Variants in SPPL3 observed in about 807,000 individuals in gnomAD.
SPPL3 encodes signal peptide peptidase-like 3.
SPPL3 carries 5 observed loss-of-function variants against 42.4 expected under a neutral mutation model. The ratio of observed to expected loss-of-function variants is 0.12; its 90% CI spans 0.06 to 0.25. The LOEUF is 0.25. Among genes scored for constraint, SPPL3 ranks in the 10% least tolerant of loss-of-function variants. SPPL3 has a pLI of 1.00. For synonymous variants in SPPL3, 195 were observed against 181.8 expected, an observed-to-expected ratio of 1.07 and a Z score of -0.58; for missense variants, 235 against 489.0, an observed-to-expected ratio of 0.48 and a Z score of 4.90.
intron 1 of SPPL3, among the ~76,000 whole-genome samples, chr12:120,815,918 C>T (rs1331400406): frequency 6.6e-6 from 1 of 151,952 alleles, no homozygotes; most frequent in Non-Finnish European, 1.5e-5. Context: ...TTATTAGAGA[C>T]AGGGTTTTGT....
chr12:120,815,894 A>G (rs547791578), intron 1 of SPPL3, among the ~76,000 whole-genome samples: 4 of 151,956 alleles, frequency 2.6e-5, no homozygotes, highest in East Asian at 1.9e-4. Flanking sequence ...ATGCCCAGCT[A>G]ATTTTTGGTA....
At chr12:120,833,494 G>C (rs1871498429) in intron 1 of SPPL3, among the ~76,000 whole-genome samples, 1 of 152,028 alleles carries the variant, frequency 6.6e-6, no homozygotes, top group South Asian at 2.1e-4. Flanking sequence ...AGACATGTAG[G>C]AATGAAGCTG....
At chr12:120,871,193 T>C (rs1275290277) in intron 1 of SPPL3, among the ~76,000 whole-genome samples, 12 of 143,868 alleles carry the variant, frequency 8.3e-5, no homozygotes. Context: ...TGCACAACAA[T>C]GTGAATACAC....
At chr12:120,901,085 G>T (rs1467592379) in intron 1 of SPPL3, among the ~76,000 whole-genome samples, 1 of 152,146 alleles carries the variant, frequency 6.6e-6, no homozygotes, top group East Asian at 1.9e-4. Context: ...TGAGTAAAAT[G>T]ATGGGAGAAT....
At chr12:120,817,687 A>T (rs559586870) in intron 1 of SPPL3, among the ~76,000 whole-genome samples, 1 of 152,036 alleles carries the variant, frequency 6.6e-6, no homozygotes, top group Non-Finnish European at 1.5e-5. Context: ...GCTTTATCCC[A>T]TATTTGTTTA....
chr12:120,762,740 C>T lies in SPPL3; in HGVS notation c.*2259G>A, dbSNP rs1188725627. 1 of 152,040 alleles carries T rather than the reference C, an allele frequency of 6.6e-6. No individual in the cohort carries two copies. Among genetic ancestry groups the T allele is most frequent in the African/African-American group, 2.4e-5 (1 of 41,338 alleles). 9.4% of individuals were successfully genotyped at this position (152,040 alleles called of 1,614,324 possible). A position where few individuals can be genotyped will look rare whatever the true frequency, so the allele number is the denominator to read the frequency against. On this transcript the variant is annotated 3_prime_UTR_variant, in exon 11 of 11. Transcript: ENST00000353487. ...TCCCAAATAGCTGGGATTACAGGCG[C>T]CTGCCACCATGCCCAGCTAATTTTT...
At chr12:120,858,838 A>T (rs1348296633) in intron 1 of SPPL3, among the ~76,000 whole-genome samples, 2 of 152,238 alleles carry the variant, frequency 1.3e-5, no homozygotes, top group African/African-American at 4.8e-5. Flanking sequence ...ATGGAAGAAC[A>T]TAATAGAGAA....
intron 1 of SPPL3, among the ~76,000 whole-genome samples, chr12:120,832,303 CTTATA>C (rs1472101883): frequency 6.6e-6 from 1 of 152,012 alleles, no homozygotes; most frequent in East Asian, 1.9e-4. Context: ...TTGGTTTTGC[CTTATA>C]TTATTATTTT....
intron 1 of SPPL3, among the ~76,000 whole-genome samples, chr12:120,852,703 C>T (rs1450742291): frequency 0.016 from 243 of 15,274 alleles, 23 homozygotes; most frequent in South Asian, 0.079. Context: ...ACATATTTTA[C>T]ATATATGAAA....
chr12:120,867,267 A>C (rs1872782655), intron 1 of SPPL3, among the ~76,000 whole-genome samples: 1 of 152,220 alleles, frequency 6.6e-6, no homozygotes, highest in Non-Finnish European at 1.5e-5. Context: ...GGTTGAAAAG[A>C]CACCTCCATG....
At chr12:120,825,514 T>C (rs1013411293) in intron 1 of SPPL3, among the ~76,000 whole-genome samples, 6 of 152,188 alleles carry the variant, frequency 3.9e-5, no homozygotes, top group South Asian at 4.1e-4. Flanking sequence ...AACTCTCTAG[T>C]AACAGGGCAC....
chr12:120,884,342 C>A (rs1873384025), intron 1 of SPPL3, among the ~76,000 whole-genome samples: 1 of 152,054 alleles, frequency 6.6e-6, no homozygotes, highest in Non-Finnish European at 1.5e-5. Flanking sequence ...CTTCTGTAGA[C>A]ATTAAATATC....
chr12:120,828,890 G>A (rs1871308581), intron 1 of SPPL3, among the ~76,000 whole-genome samples: 1 of 151,860 alleles, frequency 6.6e-6, no homozygotes, highest in African/African-American at 2.4e-5. Flanking sequence ...CGAGTTGCTG[G>A]GACTACAGGT....
At chr12:120,899,518 A>G (rs1566073718) in intron 1 of SPPL3, among the ~76,000 whole-genome samples, 1 of 152,130 alleles carries the variant, frequency 6.6e-6, no homozygotes, top group African/African-American at 2.4e-5. Context: ...CCTTACTCTC[A>G]AGGAGTTTAC....
intron 1 of SPPL3, among the ~76,000 whole-genome samples, chr12:120,822,237 G>T (rs949643549): frequency 6.6e-6 from 1 of 152,076 alleles, no homozygotes; most frequent in African/African-American, 2.4e-5. Context: ...CTTAGAAAAA[G>T]TTCAATGGTA....
At chr12:120,884,808 G>GGGGTT (rs35074232) in intron 1 of SPPL3, among the ~76,000 whole-genome samples, 2 of 137,506 alleles carry the variant, frequency 1.5e-5, no homozygotes, top group South Asian at 2.2e-4. Context: ...TTTTTTTTGG[G>GGGGTT]TTTTTTTTTT....
At chr12:120,886,282 C>T (rs73217017) in intron 1 of SPPL3, among the ~76,000 whole-genome samples, 3,743 of 152,220 alleles carry the variant, frequency 0.025, 73 homozygotes, top group Middle Eastern at 0.051. Flanking sequence ...TGGCATTTGA[C>T]ACCCAGTCTC....
chr12:120,871,882 A>G (rs1872943261), intron 1 of SPPL3, among the ~76,000 whole-genome samples: 1 of 152,206 alleles, frequency 6.6e-6, no homozygotes, highest in African/African-American at 2.4e-5. Context: ...ATACAGTTGA[A>G]TATTCCTTAT....
intron 2 of SPPL3, among the ~76,000 whole-genome samples, chr12:120,792,658 C>CT (rs1205522523): frequency 1.4e-5 from 2 of 147,400 alleles, no homozygotes; most frequent in Non-Finnish European, 3.0e-5. Flanking sequence ...CAAGATTGCG[C>CT]CACTGCACTC....
Sources: gnomAD v4.1 joint callset for allele counts (sites outside exome capture counted in the v4.1 genomes callset) on GRCh38, gnomAD v4.1.1 for gene constraint, MANE v1.5 for transcripts, NCBI Gene and HGNC (gene_info 2026-07-23, HGNC 2026-07-21) for gene names.